Variants in CYP39A1 observed in about 807,000 individuals in gnomAD.
CYP39A1 encodes 24-hydroxycholesterol 7-alpha-hydroxylase.
In CYP39A1, 49 loss-of-function variants were observed where a neutral mutation model predicts 58.1. The ratio of observed to expected loss-of-function variants is 0.84; its 90% CI spans 0.67 to 1.07. CYP39A1 has a LOEUF of 1.07. Among genes scored for constraint, CYP39A1 ranks in the 50% least tolerant of loss-of-function variants. CYP39A1 has a pLI of 0.00. For synonymous variants in CYP39A1, 209 were observed against 187.6 expected, an observed-to-expected ratio of 1.11 and a Z score of -0.93; for missense variants, 531 against 539.4, an observed-to-expected ratio of 0.98 and a Z score of 0.16.
In CYP39A1 at chr6:46,587,897, G is replaced by A. The variant is rs1582343466; in HGVS notation, c.1161+137C>T. 1.0e-5 allele frequency: 5 copies of A among 500,200 alleles called. No individual in the cohort carries two copies. The East Asian group carries it at 1.8e-4, about 18-fold the overall frequency. The allele number at this position is 500,200 out of a possible 1,614,324, so 31.0% of individuals were successfully genotyped here. A position where few individuals can be genotyped will look rare whatever the true frequency, so the allele number is the denominator to read the frequency against. ...ATATTGCAAATCTGTTCTGTACTTT[G>A]TAGTCAACTTTGTTCTTAGTTACGA... On this transcript the variant is annotated intron_variant, in intron 9 of 11. Coordinates refer to ENST00000275016, the MANE Select transcript of CYP39A1 (RefSeq NM_016593.5).
intron 10 of CYP39A1, among the ~76,000 whole-genome samples, chr6:46,566,746 T>C (rs1771302266): frequency 6.6e-6 from 1 of 152,090 alleles, no homozygotes; most frequent in Non-Finnish European, 1.5e-5. Context: ...TTATGGCTTA[T>C]TTTATTTATA....
intron 10 of CYP39A1, among the ~76,000 whole-genome samples, chr6:46,570,713 G>A (rs1253139119): frequency 1.3e-5 from 2 of 152,148 alleles, no homozygotes; most frequent in Non-Finnish European, 2.9e-5. Context: ...ATGCAACACA[G>A]GGAGAGAGAA....
chr6:46,625,215 T>C (rs1411300804), intron 7 of CYP39A1, among the ~76,000 whole-genome samples: 2 of 152,138 alleles, frequency 1.3e-5, no homozygotes, highest in Non-Finnish European at 2.9e-5. Flanking sequence ...ATTTGGAAAA[T>C]GAAGGAGTTG....
At chr6:46,631,750 G>T (rs964147457) in intron 5 of CYP39A1, among the ~76,000 whole-genome samples, 1 of 152,208 alleles carries the variant, frequency 6.6e-6, no homozygotes, top group Admixed American at 6.5e-5. Context: ...CATTTGACTT[G>T]AACAGTGACA....
chr6:46,599,509 T>C (rs1773364132), intron 7 of CYP39A1, among the ~76,000 whole-genome samples: 3 of 152,106 alleles, frequency 2.0e-5, no homozygotes, highest in Admixed American at 6.6e-5. Flanking sequence ...GGTTTGGTAA[T>C]GGATCCACCC....
At chr6:46,610,136 T>TA (rs923959484) in intron 7 of CYP39A1, among the ~76,000 whole-genome samples, 2 of 152,190 alleles carry the variant, frequency 1.3e-5, no homozygotes, top group South Asian at 2.1e-4. Context: ...AACAATTTTT[T>TA]AAAAAAACTA....
intron 10 of CYP39A1, among the ~76,000 whole-genome samples, chr6:46,566,970 CT>C (rs1475046093): frequency 3.3e-5 from 5 of 151,994 alleles, no homozygotes; most frequent in Non-Finnish European, 5.9e-5. Flanking sequence ...TGTGGTTACC[CT>C]TTTGTGTGTT....
chr6:46,650,961 T>G (rs1396958056), intron 1 of CYP39A1, among the ~76,000 whole-genome samples: 1 of 152,198 alleles, frequency 6.6e-6, no homozygotes, highest in Non-Finnish European at 1.5e-5. Context: ...AGTATTTCTT[T>G]AGGAGATATA....
chr6:46,572,924 G>A (rs181179059), intron 10 of CYP39A1, among the ~76,000 whole-genome samples: 47 of 151,534 alleles, frequency 3.1e-4, no homozygotes, highest in African/African-American at 1.1e-3. Context: ...TCTTCTGCTT[G>A]GTTGAGTCTG....
rs139920421 is a variant in CYP39A1, at chr6:46,588,695, C to T, written c.1066-566G>A. ...GACTTTTCTTTCCTCAGTCCAGCAC[C>T]GGTTATTAGGAAAGAAACAAATGAA... is the stretch of plus-strand genomic sequence containing the variant. On this transcript the variant is annotated intron_variant, in intron 8 of 11. Coordinates refer to ENST00000275016, the MANE Select transcript of CYP39A1 (RefSeq NM_016593.5). 2.8e-3 allele frequency among the ~76,000 whole-genome samples: 421 copies of T among 149,050 alleles called. 2 individuals carry two copies. Among genetic ancestry groups the T allele is most frequent in the African/African-American group, 9.8e-3 (399 of 40,742 alleles).
At chr6:46,561,416 G>T (rs1223870286) in intron 10 of CYP39A1, among the ~76,000 whole-genome samples, 1 of 152,092 alleles carries the variant, frequency 6.6e-6, no homozygotes, top group African/African-American at 2.4e-5. Context: ...AACAATTTGA[G>T]GGTGCAGTAT....
At chr6:46,602,155 G>A (rs369276671) in intron 7 of CYP39A1, among the ~76,000 whole-genome samples, 1 of 151,880 alleles carries the variant, frequency 6.6e-6, no homozygotes, top group East Asian at 2.0e-4. Context: ...TGAATGGATG[G>A]ATGGATGGAT....
chr6:46,570,822 T>G (rs1170241534), intron 10 of CYP39A1, among the ~76,000 whole-genome samples: 3 of 152,166 alleles, frequency 2.0e-5, no homozygotes, highest in Non-Finnish European at 1.5e-5. Context: ...CATGGGGGAT[T>G]TCCCCTCACT....
intron 8 of CYP39A1, among the ~76,000 whole-genome samples, chr6:46,589,974 A>G (rs1582348815): frequency 6.6e-6 from 1 of 152,148 alleles, no homozygotes; most frequent in Admixed American, 6.5e-5. Context: ...TAACAGAATT[A>G]CCACTAGCAA....
chr6:46,599,518 C>T (rs946412733), intron 7 of CYP39A1, among the ~76,000 whole-genome samples: 1 of 151,990 alleles, frequency 6.6e-6, no homozygotes, highest in Non-Finnish European at 1.5e-5. Context: ...ATGGATCCAC[C>T]CTCTCTTCCA....
intron 1 of CYP39A1, among the ~76,000 whole-genome samples, chr6:46,650,800 GAC>G (rs1301112201): frequency 6.6e-6 from 1 of 152,126 alleles, no homozygotes; most frequent in East Asian, 1.9e-4. Flanking sequence ...ACAGGTGTGA[GAC>G]ACAGAGTCCA....
intron 8 of CYP39A1, among the ~76,000 whole-genome samples, chr6:46,588,835 G>A (rs1561969748): frequency 6.6e-6 from 1 of 152,090 alleles, no homozygotes; most frequent in Non-Finnish European, 1.5e-5. Flanking sequence ...TGTTTCCTCA[G>A]GTAGTCTACA....
chr6:46,610,501 C>G (rs1268105133), intron 7 of CYP39A1, among the ~76,000 whole-genome samples: 2 of 151,920 alleles, frequency 1.3e-5, no homozygotes, highest in Non-Finnish European at 2.9e-5. Flanking sequence ...GCCACCACAT[C>G]CGACTAAATT....
At chr6:46,626,884 GA>G (rs1160496699) in intron 6 of CYP39A1, among the ~76,000 whole-genome samples, 8 of 151,920 alleles carry the variant, frequency 5.3e-5, no homozygotes, top group South Asian at 2.1e-4. Context: ...TCATGTTGGG[GA>G]AAAAAATAGT....
Sources: gnomAD v4.1 joint callset for allele counts (sites outside exome capture counted in the v4.1 genomes callset) on GRCh38, gnomAD v4.1.1 for gene constraint, MANE v1.5 for transcripts, NCBI Gene and HGNC (gene_info 2026-07-23, HGNC 2026-07-21) for gene names.